The following TPD52 variants were observed in gnomAD, a reference collection of about 807,000 sequenced individuals.
TPD52 encodes the protein tumor protein D52.
In TPD52, 17 loss-of-function variants were observed where a neutral mutation model predicts 31.3. That is an observed-to-expected ratio of 0.54 (90% CI 0.37 to 0.82). The LOEUF (loss-of-function observed/expected upper bound fraction) is 0.82. Among genes scored for constraint, TPD52 ranks in the 40% least tolerant of loss-of-function variants. The pLI is 0.00. For synonymous variants in TPD52, 83 were observed against 89.6 expected, an observed-to-expected ratio of 0.93 and a Z score of 0.42; for missense variants, 212 against 240.1, an observed-to-expected ratio of 0.88 and a Z score of 0.77.
chr8:80,165,488 G>C (rs535417783), intron 1 of TPD52, among the ~76,000 whole-genome samples: 1 of 152,286 alleles, frequency 6.6e-6, no homozygotes, highest in African/African-American at 2.4e-5. Context: ...ATTATTTTGG[G>C]CTAAAGGCAC....
chr8:80,145,473 T>A (rs950318172), intron 1 of TPD52, among the ~76,000 whole-genome samples: 1 of 152,156 alleles, frequency 6.6e-6, no homozygotes, highest in African/African-American at 2.4e-5. Flanking sequence ...AAGAACACCT[T>A]CCCCTACTTC....
At chr8:80,124,549 C>A (rs565824105) in intron 1 of TPD52, among the ~76,000 whole-genome samples, 1 of 152,278 alleles carries the variant, frequency 6.6e-6, no homozygotes, top group African/African-American at 2.4e-5. Flanking sequence ...TACGTTTACA[C>A]ATACACATAC....
intron 1 of TPD52, among the ~76,000 whole-genome samples, chr8:80,087,917 G>A (rs1324076724): frequency 6.6e-6 from 1 of 152,210 alleles, no homozygotes; most frequent in South Asian, 2.1e-4. Context: ...TTGATTTTAA[G>A]TATGAAATTC....
chr8:80,164,052 G>GAGAC (rs1554596592), intron 1 of TPD52, among the ~76,000 whole-genome samples: 40 of 100,742 alleles, frequency 4.0e-4, no homozygotes, highest in Middle Eastern at 5.1e-3. Context: ...GAGAGAGAGA[G>GAGAC]AGACAGACAG....
At chr8:80,069,708 T>C (rs948476019) in intron 1 of TPD52, among the ~76,000 whole-genome samples, 2 of 152,224 alleles carry the variant, frequency 1.3e-5, no homozygotes, top group Non-Finnish European at 1.5e-5. Context: ...TAGCATATTT[T>C]ATACTTAATG....
At chr8:80,061,381 C>A (rs552421878) in intron 2 of TPD52, among the ~76,000 whole-genome samples, 135 of 125,700 alleles carry the variant, frequency 1.1e-3, no homozygotes, top group African/African-American at 3.6e-3. Flanking sequence ...CCCACCGCCC[C>A]CCCCAAAAAA....
chr8:80,087,816 T>C (rs1049364200), intron 1 of TPD52, among the ~76,000 whole-genome samples: 10 of 152,246 alleles, frequency 6.6e-5, no homozygotes, highest in African/African-American at 2.4e-4. Flanking sequence ...GCAGAGAGGC[T>C]GAGAGGTTAA....
intron 1 of TPD52, among the ~76,000 whole-genome samples, chr8:80,094,755 C>T (rs1816600263): frequency 1.4e-5 from 2 of 147,194 alleles, no homozygotes; most frequent in South Asian, 4.2e-4. Flanking sequence ...CATATTCTAC[C>T]ATAATTTAAA....
chr8:80,154,586 A>G (rs1009358271), intron 1 of TPD52, among the ~76,000 whole-genome samples: 4 of 152,174 alleles, frequency 2.6e-5, no homozygotes, highest in Non-Finnish European at 2.9e-5. Flanking sequence ...TGTGGCTTCT[A>G]TGTTTCTCCT....
At chr8:80,051,333 T>A (rs1400379816) in intron 4 of TPD52, 194 bp downstream of exon 4, 2 of 561,990 alleles carry the variant, frequency 3.6e-6, no homozygotes, top group Non-Finnish European at 6.2e-6. Flanking sequence ...CATCAGATGA[T>A]CATTTGATGT....
intron 1 of TPD52, among the ~76,000 whole-genome samples, chr8:80,126,995 G>C (rs1229558202): frequency 2.0e-5 from 3 of 151,994 alleles, no homozygotes; most frequent in African/African-American, 7.3e-5. Context: ...TGTGGTCCCA[G>C]TTACTCAGAA....
At chr8:80,033,405 C>G (rs904121927), downstream of TPD52, 57 of 152,852 alleles carry the variant, frequency 3.7e-4, no homozygotes, top group African/African-American at 1.3e-3. Context: ...CCCATGGCTC[C>G]TCAGCTGGCC....
chr8:80,105,979 A>T (rs1442756217), intron 1 of TPD52, among the ~76,000 whole-genome samples: 1 of 152,118 alleles, frequency 6.6e-6, no homozygotes, highest in African/African-American at 2.4e-5. Context: ...AGCAATAATA[A>T]AAGGTATCCC....
rs1052495047 is a variant in TPD52, at chr8:80,160,975, T to C, written c.19+10450A>G. 8.6e-5 allele frequency among the ~76,000 whole-genome samples: 13 copies of C among 150,680 alleles called. No individual in the cohort carries two copies. In the East Asian group the frequency reaches 2.3e-3, roughly 27 times the overall value. ...TACTTGGGAGGCTGAGGCACGAGAA[T>C]TGCTTGAGCCTGGGAGGCAGAAGTT... is the stretch of plus-strand genomic sequence containing the variant. On this transcript the variant is annotated intron_variant, in intron 1 of 7. Transcript: ENST00000518937.
At chr8:80,130,802 T>C (rs987344470) in intron 1 of TPD52, among the ~76,000 whole-genome samples, 1 of 152,150 alleles carries the variant, frequency 6.6e-6, no homozygotes, top group Non-Finnish European at 1.5e-5. Context: ...TTCAATGCAC[T>C]ACAATATCAA....
chr8:80,158,750 C>T (rs1811141868), intron 1 of TPD52: 1 of 151,190 alleles, frequency 6.6e-6, no homozygotes, highest in African/African-American at 2.4e-5. Flanking sequence ...CGAGACCATC[C>T]CGGCTAAAAC....
intron 1 of TPD52, among the ~76,000 whole-genome samples, chr8:80,129,702 T>C (rs191378348): frequency 9.0e-4 from 111 of 123,070 alleles, no homozygotes; most frequent in African/African-American, 3.3e-3. Flanking sequence ...AACTCTCATT[T>C]CTTTTTTTTT....
intron 1 of TPD52, among the ~76,000 whole-genome samples, chr8:80,121,437 T>G (rs999294655): frequency 2.0e-5 from 3 of 152,154 alleles, no homozygotes. Flanking sequence ...TCACTGAATG[T>G]TTTTATAACG....
At position 80,118,164 on chromosome 8, in the gene TPD52, AG is replaced by A. The variant is rs199770358; in HGVS notation, c.19+53260del. Among the ~76,000 whole-genome samples the A allele has an allele frequency of 7.8e-3, 1,193 of 152,322 alleles. 10 individuals are homozygous for A. Among genetic ancestry groups the A allele is most frequent in the Non-Finnish European group, 0.013 (900 of 68,036 alleles). ...GTTCGGAAATAGACATTCACAGTTA[AG>A]GTTAATTGATTTCTGACAAGGTGCC... On this transcript the variant is annotated intron_variant, in intron 1 of 7. Coordinates refer to ENST00000518937, the MANE Select transcript of TPD52 (RefSeq NM_001025253.3).
Sources: allele counts gnomAD v4.1 joint callset (sites outside exome capture counted in the v4.1 genomes callset), GRCh38; gene constraint gnomAD v4.1.1; transcripts MANE v1.5; gene names NCBI Gene and HGNC (gene_info 2026-07-23, HGNC 2026-07-21).